Variants in BTC observed in about 807,000 individuals in gnomAD.
The protein encoded by BTC is betacellulin.
Under a neutral mutation model 18.1 loss-of-function variants are expected in BTC, and 13 were observed. The observed-to-expected ratio is 0.72, with a 90% CI of 0.47 to 1.14. The LOEUF is 1.14. Among genes scored for constraint, BTC ranks in the 50% most tolerant of loss-of-function variants. The pLI, the probability that BTC is intolerant of heterozygous loss-of-function variation, is 0.00. For synonymous variants in BTC, 83 were observed against 79.4 expected, an observed-to-expected ratio of 1.05 and a Z score of -0.24; for missense variants, 247 against 224.2, an observed-to-expected ratio of 1.10 and a Z score of -0.65.
At chr4:74,770,004 T>C (rs1191742740) in intron 2 of BTC, 54 bp downstream of exon 2, 4 of 1,429,906 alleles carry the variant, frequency 2.8e-6, no homozygotes, top group Middle Eastern at 1.8e-4. Flanking sequence ...ATGAGTACTA[T>C]TATTATCAGA....
intron 2 of BTC, among the ~76,000 whole-genome samples, chr4:74,757,928 A>C (rs1553956931): frequency 6.6e-6 from 1 of 152,232 alleles, no homozygotes; most frequent in Non-Finnish European, 1.5e-5. Context: ...GATATGTAGA[A>C]GTTCATAGCA....
intron 4 of BTC, among the ~76,000 whole-genome samples, chr4:74,748,876 A>G (rs1724369710): frequency 6.6e-6 from 1 of 152,214 alleles, no homozygotes; most frequent in Non-Finnish European, 1.5e-5. Context: ...CTGTTTTCCT[A>G]AAGTGCAGCT....
chr4:74,772,610 T>C (rs10005235), intron 1 of BTC, among the ~76,000 whole-genome samples: 32,384 of 150,698 alleles, frequency 0.21, 6,496 homozygotes, highest in African/African-American at 0.54. Context: ...GCTTTCTTCA[T>C]GGGCAGTAAT....
At chr4:74,765,853 A>G (rs1724887861) in intron 2 of BTC, among the ~76,000 whole-genome samples, 1 of 152,112 alleles carries the variant, frequency 6.6e-6, no homozygotes, top group African/African-American at 2.4e-5. Flanking sequence ...AATGACAGGG[A>G]TATGTTTGGA....
At chr4:74,764,998 G>A (rs547663113) in intron 2 of BTC, among the ~76,000 whole-genome samples, 31 of 151,938 alleles carry the variant, frequency 2.0e-4, no homozygotes, top group East Asian at 3.9e-4. Flanking sequence ...ATCAGGACTC[G>A]TGAGACTTAT....
intron 2 of BTC, among the ~76,000 whole-genome samples, chr4:74,767,488 T>C (rs1297615281): frequency 6.6e-6 from 1 of 151,980 alleles, no homozygotes; most frequent in Non-Finnish European, 1.5e-5. Context: ...TTAATATTGT[T>C]AAAATTTCCA....
At chr4:74,790,071 T>C (rs567430370) in intron 1 of BTC, among the ~76,000 whole-genome samples, 2 of 152,234 alleles carry the variant, frequency 1.3e-5, no homozygotes, top group South Asian at 2.1e-4. Flanking sequence ...AAAATAAAAC[T>C]TTTTTGAGGA....
intron 2 of BTC, among the ~76,000 whole-genome samples, chr4:74,764,826 A>G (rs965689943): frequency 6.6e-6 from 1 of 152,132 alleles, no homozygotes; most frequent in African/African-American, 2.4e-5. Flanking sequence ...ATATATACCC[A>G]GCACTGGATA....
At chr4:74,758,865 A>T (rs1480543500) in intron 2 of BTC, among the ~76,000 whole-genome samples, 2 of 152,228 alleles carry the variant, frequency 1.3e-5, no homozygotes, top group African/African-American at 4.8e-5. Context: ...GCCACCAGGC[A>T]GAAAATGTCC....
intron 4 of BTC, 79 bp from the exon 5 acceptor site, chr4:74,748,228 G>T: frequency 1.1e-6 from 1 of 895,264 alleles, no homozygotes; most frequent in Non-Finnish European, 1.7e-6. Context: ...GAGATCCTAT[G>T]ATCAGGTTTC....
At chr4:74,769,973 T>C in intron 2 of BTC, 85 bp downstream of exon 2, 1 of 1,157,922 alleles carries the variant, frequency 8.6e-7, no homozygotes, top group East Asian at 2.4e-5. Context: ...TTAATATATG[T>C]TCAAATGTTT....
At chr4:74,758,716 G>A (rs1724670453) in intron 2 of BTC, among the ~76,000 whole-genome samples, 2 of 152,118 alleles carry the variant, frequency 1.3e-5, no homozygotes, top group African/African-American at 2.4e-5. Context: ...ATCAGCCTTC[G>A]TTCATCCAAG....
At chr4:74,776,458 A>G (rs984321018) in intron 1 of BTC, among the ~76,000 whole-genome samples, 1 of 152,210 alleles carries the variant, frequency 6.6e-6, no homozygotes, top group Non-Finnish European at 1.5e-5. Context: ...AAAATTAAAG[A>G]CAAAAGGAAA....
chr4:74,751,839 T>C (rs1391605551), intron 3 of BTC, among the ~76,000 whole-genome samples: 1 of 152,212 alleles, frequency 6.6e-6, no homozygotes, highest in Non-Finnish European at 1.5e-5. Flanking sequence ...AGGGAAATAG[T>C]AATCAAAAAT....
chr4:74,788,562 T>C (rs1725542332), intron 1 of BTC, among the ~76,000 whole-genome samples: 1 of 152,216 alleles, frequency 6.6e-6, no homozygotes, highest in Non-Finnish European at 1.5e-5. Flanking sequence ...CTCATTAATG[T>C]TTAATACAGT....
intron 1 of BTC, among the ~76,000 whole-genome samples, chr4:74,770,816 C>A (rs940289896): frequency 6.6e-6 from 1 of 151,716 alleles, no homozygotes; most frequent in Non-Finnish European, 1.5e-5. Flanking sequence ...AAATTTGACA[C>A]TGACTGGACA....
At chr4:74,765,605 G>T (rs1724880483) in intron 2 of BTC, among the ~76,000 whole-genome samples, 1 of 151,992 alleles carries the variant, frequency 6.6e-6, no homozygotes, top group Non-Finnish European at 1.5e-5. Flanking sequence ...CAAATCTAAG[G>T]AAAGAAATGT....
At chr4:74,747,073 G>T (rs1218682452) in intron 5 of BTC, among the ~76,000 whole-genome samples, 1 of 152,196 alleles carries the variant, frequency 6.6e-6, no homozygotes, top group African/African-American at 2.4e-5. Context: ...CAAGTGTGAA[G>T]CCCACCTTAC....
intron 2 of BTC, among the ~76,000 whole-genome samples, chr4:74,766,646 C>A (rs551074341): frequency 1.3e-5 from 2 of 152,018 alleles, no homozygotes; most frequent in Admixed American, 1.3e-4. Flanking sequence ...AGGCCAGGGC[C>A]CAGATGCCTC....
Sources: allele counts gnomAD v4.1 joint callset (sites outside exome capture counted in the v4.1 genomes callset), GRCh38; gene constraint gnomAD v4.1.1; transcripts MANE v1.5; gene names NCBI Gene and HGNC (gene_info 2026-07-23, HGNC 2026-07-21).